Variants in ZNF563 observed in about 807,000 individuals in gnomAD.
ZNF563 encodes zinc finger protein 563.
ZNF563 carries 39 observed loss-of-function variants against 48.5 expected under a neutral mutation model. The ratio of observed to expected loss-of-function variants is 0.80; its 90% CI spans 0.62 to 1.05. The LOEUF (loss-of-function observed/expected upper bound fraction) is 1.05. Among genes scored for constraint, ZNF563 ranks in the 50% least tolerant of loss-of-function variants. The pLI, the probability that ZNF563 is intolerant of heterozygous loss-of-function variation, is 0.00. For synonymous variants in ZNF563, 168 were observed against 187.9 expected (o/e 0.89, Z 0.87); for missense variants, 538 against 597.0 (o/e 0.90, Z 1.03).
rs767310452 is a variant in ZNF563, at chr19:12,318,979, G to A, written c.1046C>T (p.Pro349Leu). 3 of 1,614,112 alleles carry A rather than the reference G, an allele frequency of 1.9e-6. No homozygotes were observed. The South Asian group carries it at 3.3e-5, about 18-fold the overall frequency. The stretch of plus-strand genomic sequence containing the variant: ...TCGTTCATGATATCGAACTAAACTG[G>A]GACGATCAAAGCCTTTCCCACATAT... ...CKICGKGFDRPSLVRYHERIH... is the reference protein window; with the variant it reads ...CKICGKGFDRLSLVRYHERIH... Residue 349 changes from proline to leucine, a missense_variant, in exon 4 of 4, where the codon CCC becomes CTC. By Grantham distance (98) the Pro-to-Leu change is moderately conservative. Coordinates refer to ENST00000293725, the MANE Select transcript of ZNF563 (RefSeq NM_145276.3).
the ZNF563 span, among the ~76,000 whole-genome samples, chr19:12,340,271 T>C: frequency 6.6e-6 from 1 of 151,814 alleles, no homozygotes; most frequent in Non-Finnish European, 1.5e-5. Flanking sequence ...GAGGCGGAGG[T>C]TGCAGTGAGC....
chr19:12,330,121 T>C (rs1163974063), intron 1 of ZNF563, among the ~76,000 whole-genome samples: 1 of 152,112 alleles, frequency 6.6e-6, no homozygotes. Flanking sequence ...GGCTTCCCCA[T>C]GTTGGCCAGG....
chr19:12,331,971 T>C (rs1268396427), intron 1 of ZNF563, among the ~76,000 whole-genome samples: 1 of 152,228 alleles, frequency 6.6e-6, no homozygotes, highest in Admixed American at 6.5e-5. Flanking sequence ...CAGGTGGTTA[T>C]TCTCTGCATC....
intron 1 of ZNF563, among the ~76,000 whole-genome samples, chr19:12,323,225 C>T (rs920156648): frequency 1.3e-5 from 2 of 152,186 alleles, no homozygotes; most frequent in Non-Finnish European, 2.9e-5. Context: ...TTTCTTAACT[C>T]CTATGTTCTG....
intron 1 of ZNF563, among the ~76,000 whole-genome samples, chr19:12,331,680 C>T (rs1968922952): frequency 6.6e-6 from 1 of 152,212 alleles, no homozygotes; most frequent in Non-Finnish European, 1.5e-5. Context: ...CCCAGCCCTG[C>T]ATCTCAGGCT....
chr19:12,321,170 AT>A (rs1968611910), intron 3 of ZNF563, 101 bp downstream of exon 3: 2 of 849,310 alleles, frequency 2.4e-6, no homozygotes, highest in Admixed American at 3.1e-5. Flanking sequence ...AAATTAAAAA[AT>A]AAATTTAAGC....
the ZNF563 span, among the ~76,000 whole-genome samples, chr19:12,343,558 A>G: frequency 2.0e-5 from 3 of 152,116 alleles, no homozygotes; most frequent in Admixed American, 2.0e-4. Flanking sequence ...AACAACAGAC[A>G]ATATTATTGA....
rs201359919 is a variant in ZNF563 at position 12,319,848 on chromosome 19, T to C, written c.192-15A>G. On this transcript the variant is annotated splice_polypyrimidine_tract_variant and intron_variant, in intron 3 of 3. Transcript: ENST00000293725. ...CCATATGACATCTGTAAAAAATGAG[T>C]AGTACGTTACTAAATAGTTGTTTCT... is the stretch of plus-strand genomic sequence containing the variant. 6.2e-7 allele frequency: 1 copy of C among 1,601,842 alleles called. No homozygotes were observed. Among genetic ancestry groups the C allele is most frequent in the South Asian group, 1.1e-5 (1 of 89,838 alleles).
At position 12,318,833 on chromosome 19, in the gene ZNF563, A is replaced by G. The variant is rs765421044; in HGVS notation, c.1192T>C (p.Cys398Arg). 1.0e-4 allele frequency: 166 copies of G among 1,614,002 alleles called. 3 individuals carry two copies. The South Asian group carries it at 1.8e-3, about 17-fold the overall frequency. ...CTAGGATAAACAAAAGCTTTCCCAC[A>G]TATCTTGCATTTATGAGGTCCACCT... is the stretch of plus-strand genomic sequence containing the variant. ...TGGGPHKCKI[C>R]GKAFVYPSVC... Residue 398 changes from cysteine (C) to arginine (R), a missense_variant, in exon 4 of 4, where the codon TGT becomes CGT. Cys to Arg is a radical substitution (Grantham distance 180, BLOSUM62 -3). Coordinates refer to ENST00000293725, the MANE Select transcript of ZNF563 (RefSeq NM_145276.3).
At chr19:12,333,359 G>C in intron 1 of ZNF563, 121 bp downstream of exon 1, 1 of 1,367,590 alleles carries the variant, frequency 7.3e-7, no homozygotes. Flanking sequence ...CTGCGCCAGG[G>C]GGACTCGGGT....
At chr19:12,340,503 A>G in the ZNF563 span, among the ~76,000 whole-genome samples, 7,418 of 151,992 alleles carry the variant, frequency 0.049, 599 homozygotes, top group African/African-American at 0.17. Flanking sequence ...GCTAGGCATG[A>G]TGGCTCATGC....
chr19:12,336,449 G>A (rs1236588877), upstream of ZNF563, among the ~76,000 whole-genome samples: 3 of 152,102 alleles, frequency 2.0e-5, no homozygotes, highest in Non-Finnish European at 2.9e-5. Context: ...AAAATTAGCT[G>A]GGCATGGTGG....
At chr19:12,322,051 A>G (rs913964625) in intron 2 of ZNF563, among the ~76,000 whole-genome samples, 1 of 151,548 alleles carries the variant, frequency 6.6e-6, no homozygotes, top group Non-Finnish European at 1.5e-5. Flanking sequence ...TTTTTTTATT[A>G]TTTTATTTTA....
At chr19:12,331,496 A>G (rs1000062457) in intron 1 of ZNF563, among the ~76,000 whole-genome samples, 1 of 152,202 alleles carries the variant, frequency 6.6e-6, no homozygotes, top group African/African-American at 2.4e-5. Context: ...GATGGGAATC[A>G]TTTCTATTTT....
intron 1 of ZNF563, 77 bp from the exon 2 acceptor site, chr19:12,322,788 A>C (rs1599570285): frequency 3.6e-6 from 5 of 1,404,096 alleles, no homozygotes; most frequent in Non-Finnish European, 4.8e-6. Context: ...CATAAACTTC[A>C]TATGATGCTG....
the ZNF563 span, among the ~76,000 whole-genome samples, chr19:12,339,229 C>G: frequency 6.6e-6 from 1 of 150,810 alleles, no homozygotes; most frequent in Non-Finnish European, 1.5e-5. Flanking sequence ...GTTATACTGG[C>G]CGATGTCCTT....
intron 3 of ZNF563, 97 bp from the exon 4 acceptor site, chr19:12,319,930 T>TC (rs1968564715): frequency 1.0e-5 from 11 of 1,090,238 alleles, no homozygotes; most frequent in Middle Eastern, 2.8e-4. Flanking sequence ...TTTTTTTTTT[T>TC]CCCTGAGATG....
the ZNF563 span, among the ~76,000 whole-genome samples, chr19:12,341,210 C>T: frequency 2.6e-5 from 4 of 152,096 alleles, no homozygotes; most frequent in African/African-American, 9.7e-5. Flanking sequence ...GCCACCAGGC[C>T]TAGCTAATTT....
chr19:12,338,158 A>C (rs1969038066), upstream of ZNF563, among the ~76,000 whole-genome samples: 1 of 152,176 alleles, frequency 6.6e-6, no homozygotes, highest in Admixed American at 6.5e-5. Flanking sequence ...CAGAGGATTC[A>C]GGGTAGATGG....
Sources: gnomAD v4.1 joint callset for allele counts (sites outside exome capture counted in the v4.1 genomes callset) on GRCh38, gnomAD v4.1.1 for gene constraint, MANE v1.5 for transcripts, NCBI Gene and HGNC (gene_info 2026-07-23, HGNC 2026-07-21) for gene names.